The following STOX2 variants were observed in gnomAD, a reference collection of about 807,000 sequenced individuals.
STOX2 encodes the protein storkhead box 2, also known as storkhead-box protein 2.
Under a neutral mutation model 60.9 loss-of-function variants are expected in STOX2, and 28 were observed. That is an observed-to-expected ratio of 0.46 (90% CI 0.34 to 0.63). The LOEUF is 0.63. STOX2 is among the 30% of genes least tolerant of loss of function. The pLI, the probability that STOX2 is intolerant of heterozygous loss-of-function variation, is 0.01. For synonymous variants in STOX2, 472 were observed against 463.9 expected (o/e 1.02, Z -0.22); for missense variants, 1,024 against 1,187.7 (o/e 0.86, Z 2.03).
intron 1 of STOX2, among the ~76,000 whole-genome samples, chr4:183,860,664 G>T (rs1740417471): frequency 6.6e-6 from 1 of 152,184 alleles, no homozygotes; most frequent in South Asian, 2.1e-4. Context: ...GGCAGAGGGA[G>T]ATGCTATTCA....
In STOX2 at chr4:184,010,227, C is replaced by G. The variant is rs1227554263; in HGVS notation, c.1389C>G (p.Ser463=). The change falls in exon 3 of 4, where the codon TCC becomes TCG. Residue 463 remains serine (S), a synonymous_variant. Coordinates refer to ENST00000308497, the MANE Select transcript of STOX2 (RefSeq NM_020225.3). This position sits in a 1 kb window ranked among gnomAD's most constrained non-coding sequence, Gnocchi z 4.5. ...TTCCTGAACCTTCTAGGGGAAGCTC[C>G]CACTCAAAAGTGCACCGAAGCCACA... ...MPFPEPSRGS[S]HSKVHRSHSH... is the part of the protein sequence containing the mutation. 3.9e-6 allele frequency: 6 copies of G among 1,556,890 alleles called. No individual in the cohort carries two copies. The highest frequency in any genetic ancestry group is 2.4e-5 in the East Asian group (1 of 41,194).
At chr4:183,990,910 T>G (rs1733080407) in intron 1 of STOX2, among the ~76,000 whole-genome samples, 1 of 152,118 alleles carries the variant, frequency 6.6e-6, no homozygotes, top group South Asian at 2.1e-4. Flanking sequence ...TGAAAGTCAC[T>G]TTTTTGACTC....
rs536405192 is a variant in STOX2, at chr4:184,023,040, T to A, written c.*5756T>A. On this transcript the variant is annotated 3_prime_UTR_variant, in exon 4 of 4. Coordinates refer to ENST00000308497, the MANE Select transcript of STOX2 (RefSeq NM_020225.3). ...CTGCAGGTATCTTTCTCTGAGTGAC[T>A]GAATGTGACTATTGCATTAGGGTAA... 2.6e-5 allele frequency: 4 copies of A among 152,338 alleles called. No individual in the cohort carries two copies. Among genetic ancestry groups the A allele is most frequent in the African/African-American group, 9.6e-5 (4 of 41,570 alleles). 9.4% of individuals were successfully genotyped at this position (152,338 alleles called of 1,614,324 possible).
intron 1 of STOX2, among the ~76,000 whole-genome samples, chr4:183,868,990 G>GCA (rs1740632851): frequency 2.0e-5 from 3 of 152,064 alleles, no homozygotes; most frequent in Non-Finnish European, 4.4e-5. Flanking sequence ...AGATTCTTCT[G>GCA]ACTTTGATAT....
At chr4:183,989,538 G>C (rs535121799) in intron 1 of STOX2, among the ~76,000 whole-genome samples, 1 of 152,088 alleles carries the variant, frequency 6.6e-6, no homozygotes, top group Non-Finnish European at 1.5e-5. Context: ...TATAGTGCCC[G>C]AAATTTTGCA....
rs1733584069 is a variant in STOX2 at position 184,001,362 on chromosome 4, G to A, written c.204G>A (p.Gln68=). 2 of 1,613,904 alleles carry A rather than the reference G, an allele frequency of 1.2e-6. No individual in the cohort carries two copies. The highest frequency in any genetic ancestry group is 8.5e-7 in the Non-Finnish European group (1 of 1,179,854). ...VSPISMSPIS[Q]SQFIPLGEIL... is the part of the protein sequence containing the mutation. ...CCATCAGTATGTCTCCCATCAGTCA[G>A]TCTCAGTTTATTCCACTCGGGGAGA... is the stretch of plus-strand genomic sequence containing the variant. The change falls in exon 2 of 4, where the codon CAG becomes CAA. Residue 68 remains glutamine (Q), a synonymous_variant. Coordinates refer to ENST00000308497, the MANE Select transcript of STOX2 (RefSeq NM_020225.3). The surrounding 1 kb of genome is among the most constrained non-coding windows in gnomAD (Gnocchi z 4.2).
intron 1 of STOX2, chr4:183,987,814 T>A (rs1024371291): frequency 2.0e-5 from 3 of 152,190 alleles, no homozygotes; most frequent in Admixed American, 6.5e-5. Context: ...TAAACTTTGA[T>A]ACAGTGTACA....
intron 1 of STOX2, among the ~76,000 whole-genome samples, chr4:183,847,521 C>G (rs1740015709): frequency 6.6e-6 from 1 of 152,148 alleles, no homozygotes; most frequent in Non-Finnish European, 1.5e-5. Flanking sequence ...ATCAGTCCTT[C>G]AGAGCCACCA....
At chr4:183,994,460 C>A (rs1205731691) in intron 1 of STOX2, among the ~76,000 whole-genome samples, 1 of 152,142 alleles carries the variant, frequency 6.6e-6, no homozygotes, top group African/African-American at 2.4e-5. Context: ...GGAGCCATTT[C>A]TTTGAAAATT....
At chr4:183,862,211 T>A (rs987693187) in intron 1 of STOX2, among the ~76,000 whole-genome samples, 2 of 152,234 alleles carry the variant, frequency 1.3e-5, no homozygotes, top group African/African-American at 4.8e-5. Context: ...AGTCTCACTC[T>A]GTCACCCAGG....
At chr4:183,900,271 C>G (rs1174065619) in intron 1 of STOX2, among the ~76,000 whole-genome samples, 1 of 152,126 alleles carries the variant, frequency 6.6e-6, no homozygotes, top group Non-Finnish European at 1.5e-5. Flanking sequence ...AACACAACGT[C>G]CTTTTGCAGT....
At chr4:183,966,617 GC>G (rs1442366090) in intron 1 of STOX2, among the ~76,000 whole-genome samples, 4 of 152,218 alleles carry the variant, frequency 2.6e-5, no homozygotes, top group Admixed American at 2.0e-4. Context: ...CCACAATGCT[GC>G]AGATGGCTGT....
intron 1 of STOX2, among the ~76,000 whole-genome samples, chr4:183,847,958 G>A (rs552805441): frequency 1.3e-5 from 2 of 152,202 alleles, no homozygotes; most frequent in South Asian, 2.1e-4. Context: ...GGTATAAAGA[G>A]AACTAGAGAG....
At chr4:183,995,289 G>GTTT (rs1467692938) in intron 1 of STOX2, among the ~76,000 whole-genome samples, 10 of 75,978 alleles carry the variant, frequency 1.3e-4, no homozygotes, top group Admixed American at 7.5e-4. Flanking sequence ...CTTTATTTTA[G>GTTT]TCTTTTTTTT....
At chr4:183,949,622 C>T (rs1240230709) in intron 1 of STOX2, among the ~76,000 whole-genome samples, 6 of 152,096 alleles carry the variant, frequency 3.9e-5, no homozygotes, top group Admixed American at 1.3e-4. Context: ...CGCTTGAACC[C>T]GGGAGATGTA....
At chr4:183,895,650 A>T (rs2111187492) in intron 1 of STOX2, among the ~76,000 whole-genome samples, 1 of 152,250 alleles carries the variant, frequency 6.6e-6, no homozygotes, top group East Asian at 1.9e-4. Context: ...ATGACAGAAG[A>T]TTTTGTTTTT....
At chr4:183,867,459 C>T (rs1012705961) in intron 1 of STOX2, among the ~76,000 whole-genome samples, 1 of 152,202 alleles carries the variant, frequency 6.6e-6, no homozygotes, top group Non-Finnish European at 1.5e-5. Flanking sequence ...GCTGAGGGAA[C>T]GTTGCCAGAT....
At chr4:183,819,531 C>G (rs926850276) in intron 1 of STOX2, among the ~76,000 whole-genome samples, 1 of 127,334 alleles carries the variant, frequency 7.9e-6, no homozygotes, top group African/African-American at 2.9e-5. Flanking sequence ...AGAGGGAGAC[C>G]GTGGAAAGAG....
chr4:183,967,331 ACTC>A (rs1415330582), intron 1 of STOX2, among the ~76,000 whole-genome samples: 2 of 150,426 alleles, frequency 1.3e-5, no homozygotes, highest in African/African-American at 4.9e-5. Context: ...GTGCCATTGC[ACTC>A]CAGCCTGGGC....
Sources: allele counts gnomAD v4.1 joint callset (sites outside exome capture counted in the v4.1 genomes callset), GRCh38; gene constraint gnomAD v4.1.1; non-coding constraint Gnocchi (gnomAD v3.1); transcripts MANE v1.5; gene names NCBI Gene and HGNC (gene_info 2026-07-23, HGNC 2026-07-21).